Variants in EMC3 observed in about 807,000 individuals in gnomAD.
EMC3 encodes the protein 30 kDa protein.
A neutral mutation model predicts 36.6 loss-of-function variants in EMC3; 13 were observed. That is an observed-to-expected ratio of 0.35 (90% confidence interval 0.23 to 0.56). The LOEUF (loss-of-function observed/expected upper bound fraction) is 0.56. Among genes scored for constraint, EMC3 ranks in the 20% least tolerant of loss-of-function variants. The probability of loss-of-function intolerance (pLI) is 0.84; values close to 1 mark genes in which losing one functional copy is unlikely to be tolerated. For synonymous variants in EMC3, 120 were observed against 111.9 expected, an observed-to-expected ratio of 1.07 and a Z score of -0.46; for missense variants, 220 against 324.5, an observed-to-expected ratio of 0.68 and a Z score of 2.47.
At chr3:10,004,910 A>G (rs1046620444) in intron 1 of EMC3, 2 of 152,290 alleles carry the variant, frequency 1.3e-5, no homozygotes, top group African/African-American at 2.4e-5. Flanking sequence ...GCATCACAGC[A>G]TAGCTTTTAG....
intron 1 of EMC3, chr3:10,006,663 T>A: frequency 5.2e-6 from 1 of 191,122 alleles, no homozygotes; most frequent in Non-Finnish European, 1.1e-5. Context: ...GGGAGGGGGG[T>A]TGTCAGTTAA....
chr3:9,970,513 T>C (rs2085774253), intron 6 of EMC3, 69 bp downstream of exon 6: 5 of 1,527,902 alleles, frequency 3.3e-6, no homozygotes, highest in Non-Finnish European at 4.5e-6. Context: ...CCTACAAGAC[T>C]TTTCTGGCTC....
At chr3:10,007,547 T>G (rs774003823) in intron 1 of EMC3, 1 of 1,367,554 alleles carries the variant, frequency 7.3e-7, no homozygotes. Context: ...CTCAGAGGCC[T>G]GACGTAGGAG....
At position 9,986,490 on chromosome 3, in the gene EMC3, G is replaced by A. The variant is rs35542870; in HGVS notation, c.155+17C>T. ...TCACGGCGGTGTGAGGTAGGCTGGAGAAGGGAGGGCGCTGACCTGTCAGAT... is the reference window on the plus strand; with the variant it reads ...TCACGGCGGTGTGAGGTAGGCTGGAAAAGGGAGGGCGCTGACCTGTCAGAT... On this transcript the variant is annotated intron_variant, in intron 1 of 7. Coordinates refer to ENST00000245046, the MANE Select transcript of EMC3 (RefSeq NM_001394674.1). The A allele has an allele frequency of 6.2e-7, 1 of 1,612,846 alleles. No homozygotes were observed. The highest frequency in any genetic ancestry group is 8.5e-7 in the Non-Finnish European group (1 of 1,179,234).
At chr3:9,993,064 C>G in intron 1 of EMC3, 1 of 965,920 alleles carries the variant, frequency 1.0e-6, no homozygotes, top group Non-Finnish European at 1.7e-6. Context: ...CTTTACAGCT[C>G]TCATGTAAAA....
intron 1 of EMC3, among the ~76,000 whole-genome samples, chr3:9,979,256 C>CT (rs761151485): frequency 1.1e-4 from 16 of 152,156 alleles, no homozygotes; most frequent in Non-Finnish European, 1.9e-4. Context: ...GATTTAGAGA[C>CT]TTTTATAATA....
intron 1 of EMC3, chr3:10,010,404 TAA>T (rs769685446): frequency 4.4e-5 from 6 of 137,676 alleles, no homozygotes; most frequent in East Asian, 2.1e-4. Flanking sequence ...GAGACTCGTC[TAA>T]AAAAAAAAAA....
chr3:9,974,716 G>C (rs750878129), intron 3 of EMC3, among the ~76,000 whole-genome samples: 1 of 151,708 alleles, frequency 6.6e-6, no homozygotes, highest in Non-Finnish European at 1.5e-5. Context: ...CTGCCACCAC[G>C]CCTGGCTAAT....
At chr3:10,000,335 C>T (rs532127500) in intron 1 of EMC3, among the ~76,000 whole-genome samples, 7 of 152,218 alleles carry the variant, frequency 4.6e-5, no homozygotes, top group East Asian at 3.9e-4. Context: ...CTACTGCGCC[C>T]GGCCTCTATT....
In EMC3 at chr3:10,007,606, C is replaced by T. The variant is rs749007472; in HGVS notation, c.-242+3417G>A. On this transcript the variant is annotated intron_variant, in intron 1 of 8. Transcript: ENST00000470827. Reference sequence around the variant, plus strand: ...CTGGGTGTCAGGGGAGGGTTGATGGCAAGACACAGCAGCAGCCCTGAGGGA... The same window carrying T: ...CTGGGTGTCAGGGGAGGGTTGATGGTAAGACACAGCAGCAGCCCTGAGGGA... 5.9e-6 allele frequency: 8 copies of T among 1,366,602 alleles called. No individual in the cohort carries two copies. In the Admixed American group the frequency reaches 1.5e-4, roughly 26 times the overall value. 84.7% of individuals were successfully genotyped at this position (1,366,602 alleles called of 1,614,324 possible). A position where few individuals can be genotyped will look rare whatever the true frequency, so the allele number is the denominator to read the frequency against.
intron 7 of EMC3, chr3:9,969,401 T>C: frequency 3.3e-6 from 4 of 1,210,218 alleles, no homozygotes; most frequent in Non-Finnish European, 4.2e-6. Flanking sequence ...TTATATCTGA[T>C]GTCTATGGGG....
chr3:9,992,996 C>T, intron 1 of EMC3: 1 of 1,500,946 alleles, frequency 6.7e-7, no homozygotes, highest in Admixed American at 1.7e-5. Context: ...AGAGTACATT[C>T]TCTGTTCATT....
upstream of EMC3, chr3:9,988,607 T>G (rs496348): frequency 0.072 from 64,285 of 898,012 alleles, 7,827 homozygotes; most frequent in African/African-American, 0.47. Context: ...ATGGTTGCCA[T>G]ATGGACACAT....
intron 1 of EMC3, among the ~76,000 whole-genome samples, chr3:9,995,699 G>A (rs1057107426): frequency 1.1e-4 from 17 of 152,064 alleles, no homozygotes; most frequent in African/African-American, 2.2e-4. Context: ...TGCAGTTGGC[G>A]CTGTCTCAGT....
At chr3:9,974,644 C>T (rs1022107055) in intron 3 of EMC3, among the ~76,000 whole-genome samples, 156 bp from the exon 4 acceptor site, 8 of 151,826 alleles carry the variant, frequency 5.3e-5, no homozygotes, top group African/African-American at 1.7e-4. Context: ...CTGCAAGCTC[C>T]GCCTCCCAGG....
At chr3:9,995,754 C>G (rs886987817) in intron 1 of EMC3, among the ~76,000 whole-genome samples, 1 of 152,044 alleles carries the variant, frequency 6.6e-6, no homozygotes, top group Non-Finnish European at 1.5e-5. Flanking sequence ...TCTCCTGCCT[C>G]ACCCTTCCAA....
rs1390099272 is a variant in EMC3, at chr3:9,973,486, G to A, written c.494+142C>T. On this transcript the variant is annotated intron_variant, in intron 5 of 7. Coordinates refer to ENST00000245046, the MANE Select transcript of EMC3 (RefSeq NM_001394674.1). ...TGGGATTACAGTCGTGAGCCACTGCGCCCGGCCTGTTTTCGTTTTCTTGAG... is the reference window on the plus strand; with the variant it reads ...TGGGATTACAGTCGTGAGCCACTGCACCCGGCCTGTTTTCGTTTTCTTGAG... 13 of 689,536 alleles carry A rather than the reference G, an allele frequency of 1.9e-5. 1 individual carries two copies. Among genetic ancestry groups the A allele is most frequent in the South Asian group, 8.8e-5 (5 of 56,958 alleles). The allele number at this position is 689,536 out of a possible 1,614,324, so 42.7% of individuals were successfully genotyped here.
At chr3:10,002,840 G>A (rs2086220752) in intron 1 of EMC3, 1 of 456,356 alleles carries the variant, frequency 2.2e-6, no homozygotes, top group Non-Finnish European at 4.4e-6. Context: ...AGCAACAGTA[G>A]TGCAGACCCA....
intron 1 of EMC3, chr3:10,003,428 C>A: frequency 2.8e-6 from 1 of 360,120 alleles, no homozygotes; most frequent in Non-Finnish European, 5.5e-6. Flanking sequence ...TTGGTGGGGT[C>A]AATATTGTTA....
Sources: allele counts gnomAD v4.1 joint callset (sites outside exome capture counted in the v4.1 genomes callset), GRCh38; gene constraint gnomAD v4.1.1; transcripts MANE v1.5; gene names NCBI Gene and HGNC (gene_info 2026-07-23, HGNC 2026-07-21).